Variants in ENTPD3 observed in about 807,000 individuals in gnomAD.
The protein encoded by ENTPD3 is CD39 antigen-like 3.
Under a neutral mutation model 51.2 loss-of-function variants are expected in ENTPD3, and 60 were observed. The ratio of observed to expected loss-of-function variants is 1.17; its 90% CI spans 0.95 to 1.45. The LOEUF is 1.45. Ranked by LOEUF, ENTPD3 falls within the 40% of genes most tolerant of loss-of-function variation. The pLI, the probability that ENTPD3 is intolerant of heterozygous loss-of-function variation, is 0.00. For synonymous variants in ENTPD3, 221 were observed against 238.4 expected (o/e 0.93, Z 0.67); for missense variants, 593 against 641.1 (o/e 0.93, Z 0.81).
intron 7 of ENTPD3, among the ~76,000 whole-genome samples, chr3:40,417,373 A>G (rs1955769660): frequency 6.6e-6 from 1 of 152,210 alleles, no homozygotes; most frequent in Non-Finnish European, 1.5e-5. Flanking sequence ...ATCATAGTAG[A>G]AGGCGAAGCG....
Position 40,428,358 on chromosome 3 carries a change from A to G in ENTPD3, c.*850A>G, listed in dbSNP as rs931431523. The G allele has an allele frequency of 6.6e-6, 1 of 152,212 alleles. No homozygotes were observed. The highest frequency in any genetic ancestry group is 2.4e-5 in the African/African-American group (1 of 41,450). 9.4% of individuals were successfully genotyped at this position (152,212 alleles called of 1,614,324 possible). Reference sequence around the variant, plus strand: ...ATATATTTTTGTCACCATTCCCACAAGTATACTTGATGTTGTCATAGAACG... The same window carrying G: ...ATATATTTTTGTCACCATTCCCACAGGTATACTTGATGTTGTCATAGAACG... On this transcript the variant is annotated 3_prime_UTR_variant, in exon 11 of 11. Coordinates refer to ENST00000301825, the MANE Select transcript of ENTPD3 (RefSeq NM_001248.4).
rs1955937027 is a variant in ENTPD3 at position 40,424,043 on chromosome 3, T to TA, written c.1353+84dup. On this transcript the variant is annotated intron_variant, in intron 10 of 10. Transcript: ENST00000301825. ...GTGTGTGTGGAACAAATGTAGAAGG[T>TA]AAAAGGGTATTAATGAGTTAAACTC... is the stretch of plus-strand genomic sequence containing the variant. The TA allele has an allele frequency of 3.8e-6, 6 of 1,595,316 alleles. No individual in the cohort carries two copies. The Admixed American group carries it at 1.0e-4, about 27-fold the overall frequency.
chr3:40,417,331 T>C lies in ENTPD3; in HGVS notation c.831+1258T>C, dbSNP rs1284076415. Among the ~76,000 whole-genome samples, 7 of 152,214 alleles carry C rather than the reference T, an allele frequency of 4.6e-5. No individual in the cohort carries two copies. In the East Asian group the frequency reaches 1.3e-3, roughly 29 times the overall value. ...CATGGTTCTGTGAGCTGTACAGGTT[T>C]CTGCTTCTAGGGAGGCTTCAGGAAA... is the stretch of plus-strand genomic sequence containing the variant. On this transcript the variant is annotated intron_variant, in intron 7 of 10. Transcript: ENST00000301825.
chr3:40,421,987 G>C (rs967070926), intron 7 of ENTPD3, among the ~76,000 whole-genome samples: 4 of 152,062 alleles, frequency 2.6e-5, no homozygotes, highest in Admixed American at 2.6e-4. Flanking sequence ...TAGATGGATG[G>C]GTGATATTCT....
At chr3:40,413,915 C>G (rs371024656) in intron 5 of ENTPD3, among the ~76,000 whole-genome samples, 1 of 152,162 alleles carries the variant, frequency 6.6e-6, no homozygotes, top group Non-Finnish European at 1.5e-5. Flanking sequence ...TAATTGGCCA[C>G]GGAATTGGAA....
intron 3 of ENTPD3, chr3:40,394,287 T>C (rs1292335251): frequency 6.7e-6 from 2 of 299,570 alleles, no homozygotes; most frequent in Non-Finnish European, 1.4e-5. Context: ...GCTAATTTTT[T>C]CTTGCTGTAT....
At chr3:40,425,119 T>C (rs967745714) in intron 10 of ENTPD3, 3 of 224,372 alleles carry the variant, frequency 1.3e-5, no homozygotes, top group African/African-American at 6.8e-5. Context: ...AAATTAGTAT[T>C]TAAATGTGAA....
rs199627591 is a variant in ENTPD3, at chr3:40,416,049, G to A, written c.807G>A (p.Lys269=). 1 of 1,613,990 alleles carries A rather than the reference G, an allele frequency of 6.2e-7. No homozygotes were observed. The highest frequency in any genetic ancestry group is 8.5e-7 in the Non-Finnish European group (1 of 1,179,944). Residue 269 remains lysine (K), a synonymous_variant, in exon 7 of 11, where the codon AAG becomes AAA. Transcript: ENST00000301825. ...FQCYGRNEAE[K]KFLAMLLQNS... ...GCTATGGCCGGAATGAGGCTGAGAA[G>A]AAGTTTCTGGCAATGCTCCTGCAGG...
chr3:40,423,968 G>A lies in ENTPD3; in HGVS notation c.1353+5G>A. The A allele has an allele frequency of 6.2e-7, 1 of 1,614,092 alleles. No individual in the cohort carries two copies. The highest frequency in any genetic ancestry group is 8.5e-7 in the Non-Finnish European group (1 of 1,179,958). On this transcript the variant is annotated splice_donor_5th_base_variant and intron_variant, in intron 10 of 10. Coordinates refer to ENST00000301825, the MANE Select transcript of ENTPD3 (RefSeq NM_001248.4). ...CAAATACACTTTGAAAAAGAAGTAAGTTAAGCACAAATCATTTTCTCTTCT... is the reference window on the plus strand; with the variant it reads ...CAAATACACTTTGAAAAAGAAGTAAATTAAGCACAAATCATTTTCTCTTCT...
At chr3:40,407,152 T>C (rs1955523210) in intron 4 of ENTPD3, among the ~76,000 whole-genome samples, 1 of 152,086 alleles carries the variant, frequency 6.6e-6, no homozygotes, top group African/African-American at 2.4e-5. Context: ...AGAGTTTGGT[T>C]TTGGGCATAT....
chr3:40,388,052 GAA>G lies in ENTPD3; in HGVS notation c.-3_-2del, dbSNP rs777581389. On this transcript the variant is annotated 5_prime_UTR_variant, in exon 2 of 11. Coordinates refer to ENST00000301825, the MANE Select transcript of ENTPD3 (RefSeq NM_001248.4). ...TGTATTCTCTCACCTGCAGCTAGGAGAAAAGATGTTCACTGTGCTGACCCGCC... is the reference window on the plus strand; with the variant it reads ...TGTATTCTCTCACCTGCAGCTAGGAGAAGATGTTCACTGTGCTGACCCGCC... The G allele has an allele frequency of 5.0e-6, 8 of 1,613,940 alleles. No homozygotes were observed. Among genetic ancestry groups the G allele is most frequent in the Non-Finnish European group, 6.8e-6 (8 of 1,179,854 alleles).
At chr3:40,389,500 C>T (rs1955009494) in intron 2 of ENTPD3, among the ~76,000 whole-genome samples, 1 of 152,190 alleles carries the variant, frequency 6.6e-6, no homozygotes, top group South Asian at 2.1e-4. Context: ...TGTGGGATAA[C>T]TTCCCAAAAG....
At chr3:40,425,472 G>T (rs1239933991) in intron 10 of ENTPD3, among the ~76,000 whole-genome samples, 1 of 152,094 alleles carries the variant, frequency 6.6e-6, no homozygotes, top group East Asian at 1.9e-4. Context: ...AAAGACTTGA[G>T]AAGATTTGCT....
chr3:40,391,967 AC>A, intron 2 of ENTPD3, 55 bp from the exon 3 acceptor site: 1 of 1,603,810 alleles, frequency 6.2e-7, no homozygotes, highest in Non-Finnish European at 8.5e-7. Context: ...TACAAAGAAT[AC>A]CAGTGCCTGG....
At chr3:40,399,540 C>T (rs564304472) in intron 3 of ENTPD3, 1 of 152,208 alleles carries the variant, frequency 6.6e-6, no homozygotes, top group Non-Finnish European at 1.5e-5. Flanking sequence ...ACTTCATCAT[C>T]TTCTGTGGGA....
chr3:40,426,475 A>G (rs1955987982), intron 10 of ENTPD3, among the ~76,000 whole-genome samples: 1 of 152,146 alleles, frequency 6.6e-6, no homozygotes, highest in South Asian at 2.1e-4. Flanking sequence ...TGAAAATTTA[A>G]AAGTAAGATA....
At chr3:40,403,599 T>C (rs893552540) in intron 4 of ENTPD3, among the ~76,000 whole-genome samples, 3 of 151,944 alleles carry the variant, frequency 2.0e-5, no homozygotes, top group African/African-American at 7.3e-5. Flanking sequence ...AAGGGGTATA[T>C]TGCACGGCAC....
intron 4 of ENTPD3, among the ~76,000 whole-genome samples, chr3:40,405,140 A>G (rs558271816): frequency 1.3e-5 from 2 of 152,244 alleles, no homozygotes; most frequent in South Asian, 4.2e-4. Context: ...CTAGAGCCTA[A>G]ACTTAACTAT....
At chr3:40,423,783 C>T (rs1955930711) in intron 9 of ENTPD3, 43 bp from the exon 10 acceptor site, 1 of 1,601,946 alleles carries the variant, frequency 6.2e-7, no homozygotes, top group African/African-American at 1.3e-5. Flanking sequence ...CATTTTAAAA[C>T]ATACCTGCCT....
Sources: allele counts gnomAD v4.1 joint callset (sites outside exome capture counted in the v4.1 genomes callset), GRCh38; gene constraint gnomAD v4.1.1; transcripts MANE v1.5; gene names NCBI Gene and HGNC (gene_info 2026-07-23, HGNC 2026-07-21).